Variants in MGAM2 observed in about 807,000 individuals in gnomAD.
MGAM2 encodes the protein probable maltase-glucoamylase 2.
MGAM2 carries 98 observed loss-of-function variants against 96.1 expected under a neutral mutation model. The ratio of observed to expected loss-of-function variants is 1.02; its 90% confidence interval spans 0.87 to 1.21. The LOEUF is 1.21. Among genes scored for constraint, MGAM2 ranks in the 50% most tolerant of loss-of-function variants. The probability of loss-of-function intolerance (pLI) is 0.00; values close to 1 mark genes in which losing one functional copy is unlikely to be tolerated. For synonymous variants in MGAM2, 749 were observed against 414.8 expected (o/e 1.81, Z -9.79); for missense variants, 2,055 against 1,182.4 (o/e 1.74, Z -10.82).
At position 142,131,600 on chromosome 7, in the gene MGAM2, T is replaced by C. The variant is rs970853798; in HGVS notation, c.393T>C (p.Tyr131=). Residue 131 remains tyrosine, a synonymous_variant, in exon 5 of 48, where the codon TAT becomes TAC. Coordinates refer to ENST00000477922, the MANE Select transcript of MGAM2 (RefSeq NM_001293626.2). ...DVATTLFTAE[Y]QTSNRFHFKI... ...CCACCACCCTTTTCACAGCTGAATA[T>C]CAGACATCCAATCGGTTTCATTTTA... 2.3e-5 allele frequency: 16 copies of C among 703,052 alleles called. No individual in the cohort carries two copies. Among genetic ancestry groups the C allele is most frequent in the Non-Finnish European group, 3.9e-5 (15 of 385,030 alleles). 43.6% of individuals were successfully genotyped at this position (703,052 alleles called of 1,614,324 possible).
At chr7:142,204,071 T>TC (rs1563293508) in intron 45 of MGAM2, among the ~76,000 whole-genome samples, 1 of 152,042 alleles carries the variant, frequency 6.6e-6, no homozygotes. Flanking sequence ...CTCTTTTTTT[T>TC]CTCTGTCTCT....
At chr7:142,143,633 A>C in intron 12 of MGAM2, 136 bp from the exon 13 acceptor site, 1 of 444,984 alleles carries the variant, frequency 2.2e-6, no homozygotes. Flanking sequence ...TTTATTGTTT[A>C]GTTTTTGTTG....
intron 2 of MGAM2, among the ~76,000 whole-genome samples, chr7:142,119,818 A>G (rs904279863): frequency 2.6e-5 from 4 of 152,230 alleles, no homozygotes; most frequent in African/African-American, 9.6e-5. Context: ...CACACATTTT[A>G]TGATTCTTTT....
In MGAM2 at chr7:142,131,530, A is replaced by G. The variant is rs1473600646; in HGVS notation, c.323A>G (p.Gln108Arg). The G allele has an allele frequency of 1.6e-5, 11 of 702,846 alleles. No individual in the cohort carries two copies. The highest frequency in any genetic ancestry group is 2.6e-5 in the Non-Finnish European group (10 of 384,938). 43.5% of individuals were successfully genotyped at this position (702,846 alleles called of 1,614,324 possible). The change falls in exon 5 of 48, where the codon CAG becomes CGG. Residue 108 changes from glutamine to arginine, a missense_variant. Gln to Arg is a conservative substitution (Grantham distance 43, BLOSUM62 1). Coordinates refer to ENST00000477922, the MANE Select transcript of MGAM2 (RefSeq NM_001293626.2). ...HTNTSTGFTA[Q>R]LKRLPSPSLF... ...TTGCCACCCCTAGGATTTACTGCCC[A>G]GTTGAAAAGGTTGCCATCACCATCT...
rs897627579 is a variant in MGAM2, at chr7:142,175,688, A to G, written c.3724A>G (p.Lys1242Glu). 1 of 702,846 alleles carries G rather than the reference A, an allele frequency of 1.4e-6. No individual in the cohort carries two copies. The highest frequency in any genetic ancestry group is 2.6e-6 in the Non-Finnish European group (1 of 384,984). The allele number at this position is 702,846 out of a possible 1,614,324, so 43.5% of individuals were successfully genotyped here. The change falls in exon 32 of 48, where the codon AAG becomes GAG. Residue 1242 changes from lysine to glutamate, a missense_variant. By Grantham distance (56) the Lys-to-Glu change is moderately conservative. Coordinates refer to ENST00000477922, the MANE Select transcript of MGAM2 (RefSeq NM_001293626.2). ...QHVDIDYMNR[K>E]LDFTLSANFQ... ...TGTAGACATCGATTACATGAACCGGAAGCTGGATTTCACCCTCAGTGCCAA... is the reference window on the plus strand; with the variant it reads ...TGTAGACATCGATTACATGAACCGGGAGCTGGATTTCACCCTCAGTGCCAA...
chr7:142,195,800 T>C (rs1352322939), intron 37 of MGAM2, among the ~76,000 whole-genome samples: 1 of 152,160 alleles, frequency 6.6e-6, no homozygotes, highest in Non-Finnish European at 1.5e-5. Context: ...AACCTTTTCA[T>C]GATGTTATGA....
At chr7:142,182,655 A>G (rs4285402) in intron 32 of MGAM2, among the ~76,000 whole-genome samples, 28,773 of 152,188 alleles carry the variant, frequency 0.19, 3,012 homozygotes, top group East Asian at 0.34. Flanking sequence ...CTAGGATCCC[A>G]GATGTCTGCA....
chr7:142,199,987 G>C lies in MGAM2; in HGVS notation c.5137+19G>C, dbSNP rs916221519. On this transcript the variant is annotated intron_variant, in intron 45 of 47. Coordinates refer to ENST00000477922, the MANE Select transcript of MGAM2 (RefSeq NM_001293626.2). ...AGCATTGGTGAGTATAAACTTTCCAGGGTCCCTGTACATCACTGAGAAAAA... is the reference window on the plus strand; with the variant it reads ...AGCATTGGTGAGTATAAACTTTCCACGGTCCCTGTACATCACTGAGAAAAA... The C allele has an allele frequency of 1.5e-6, 1 of 649,784 alleles. No homozygotes were observed. Among genetic ancestry groups the C allele is most frequent in the Non-Finnish European group, 2.8e-6 (1 of 359,586 alleles). The allele number at this position is 649,784 out of a possible 1,614,324, so 40.3% of individuals were successfully genotyped here. A position where few individuals can be genotyped will look rare whatever the true frequency, so the allele number is the denominator to read the frequency against.
rs769676988 is a variant in MGAM2, at chr7:142,134,047, C to T, written c.642C>T (p.Pro214=). 15 of 756,642 alleles carry T rather than the reference C, an allele frequency of 2.0e-5. No individual in the cohort carries two copies. The African/African-American group carries it at 2.0e-4, about 10-fold the overall frequency. The allele number at this position is 756,642 out of a possible 1,614,324, so 46.9% of individuals were successfully genotyped here. The stretch of plus-strand genomic sequence containing the variant: ...ACCTGCAACTGTCTTTCCGACTGCC[C>T]AGTGCCAATGTGTATGGGCTGGGAG... ...QQYLQLSFRL[P]SANVYGLGEH... The change falls in exon 7 of 48, where the codon CCC becomes CCT. Residue 214 remains proline (P), a synonymous_variant. Coordinates refer to ENST00000477922, the MANE Select transcript of MGAM2 (RefSeq NM_001293626.2).
chr7:142,136,518 C>G (rs1350363973), intron 7 of MGAM2, 23 bp from the exon 8 acceptor site: 1 of 653,840 alleles, frequency 1.5e-6, no homozygotes, highest in South Asian at 1.7e-5. Flanking sequence ...AACACTATGA[C>G]TTTTCTTCTG....
At chr7:142,135,983 CTTGA>C (rs1795048896) in intron 7 of MGAM2, among the ~76,000 whole-genome samples, 1 of 152,074 alleles carries the variant, frequency 6.6e-6, no homozygotes, top group African/African-American at 2.4e-5. Flanking sequence ...TACAAAATAA[CTTGA>C]TTGAGTTATA....
Position 142,186,143 on chromosome 7 carries a change from T to C in MGAM2, c.4122+20T>C. On this transcript the variant is annotated intron_variant, in intron 35 of 47. Coordinates refer to ENST00000477922, the MANE Select transcript of MGAM2 (RefSeq NM_001293626.2). ...TGGATTGTAAGTGCACCCTTGGTTG[T>C]CTTTTTTTTTTTTTTGGAAATGTTA... 1 of 655,506 alleles carries C rather than the reference T, an allele frequency of 1.5e-6. No individual in the cohort carries two copies. The allele number at this position is 655,506 out of a possible 1,614,324, so 40.6% of individuals were successfully genotyped here.
chr7:142,186,463 C>G (rs1394118910), intron 35 of MGAM2, among the ~76,000 whole-genome samples: 2 of 152,144 alleles, frequency 1.3e-5, no homozygotes, highest in African/African-American at 2.4e-5. Context: ...GTAAGGGAGT[C>G]TTACAGGGCA....
At chr7:142,128,799 GTGGAGTCC>G (rs1238739117) in intron 3 of MGAM2, among the ~76,000 whole-genome samples, 2 of 152,224 alleles carry the variant, frequency 1.3e-5, no homozygotes, top group Non-Finnish European at 2.9e-5. Context: ...TTCTGCATAG[GTGGAGTCC>G]TTATGGAGAT....
At chr7:142,178,269 G>C (rs1449236641) in intron 32 of MGAM2, among the ~76,000 whole-genome samples, 2 of 152,142 alleles carry the variant, frequency 1.3e-5, no homozygotes, top group African/African-American at 4.8e-5. Flanking sequence ...GCCTTTGTCA[G>C]ATTCACAACT....
intron 36 of MGAM2, among the ~76,000 whole-genome samples, chr7:142,188,450 A>C (rs186854902): frequency 8.5e-5 from 13 of 152,076 alleles, no homozygotes; most frequent in Non-Finnish European, 1.8e-4. Flanking sequence ...ATAAAAAAAA[A>C]CAAACAAACA....
chr7:142,139,012 T>C (rs1253749007), intron 10 of MGAM2, among the ~76,000 whole-genome samples: 1 of 152,202 alleles, frequency 6.6e-6, no homozygotes, highest in Non-Finnish European at 1.5e-5. Flanking sequence ...ATACTGTGCA[T>C]GTTGAAGCAT....
At chr7:142,213,047 A>G (rs768665151) in intron 46 of MGAM2, among the ~76,000 whole-genome samples, 39 of 152,330 alleles carry the variant, frequency 2.6e-4, no homozygotes, top group Non-Finnish European at 4.6e-4. Flanking sequence ...AAACCACACA[A>G]CTACAGGGAA....
At position 142,186,067 on chromosome 7, in the gene MGAM2, C is replaced by A; in HGVS notation, c.4066C>A (p.Leu1356Ile). The change falls in exon 35 of 48, where the codon CTC becomes ATC. Residue 1356 changes from leucine to isoleucine, a missense_variant. Transcript: ENST00000477922. ...AAWWKKEIEELYANPREPEKS... is the reference protein window; with the variant it reads ...AAWWKKEIEEIYANPREPEKS... ...GTGGTGGAAGAAAGAGATAGAAGAG[C>A]TCTATGCAAACCCTCGAGAGCCAGA... The A allele has an allele frequency of 1.4e-6, 1 of 705,866 alleles. No homozygotes were observed. The highest frequency in any genetic ancestry group is 2.6e-6 in the Non-Finnish European group (1 of 385,108). The allele number at this position is 705,866 out of a possible 1,614,324, so 43.7% of individuals were successfully genotyped here. A position where few individuals can be genotyped will look rare whatever the true frequency, so the allele number is the denominator to read the frequency against.
Sources: allele counts gnomAD v4.1 joint callset (sites outside exome capture counted in the v4.1 genomes callset), GRCh38; gene constraint gnomAD v4.1.1; transcripts MANE v1.5; gene names NCBI Gene and HGNC (gene_info 2026-07-23, HGNC 2026-07-21).